The following TNFAIP8 variants were observed in gnomAD, a reference collection of about 807,000 sequenced individuals.
TNFAIP8 encodes the protein TNF alpha induced protein 8.
Under a neutral mutation model 13.3 loss-of-function variants are expected in TNFAIP8, and 7 were observed. That is an observed-to-expected ratio of 0.52 (90% CI 0.30 to 0.99). TNFAIP8 has a LOEUF of 0.99. Ranked by LOEUF, TNFAIP8 falls within the 50% of genes least tolerant of loss-of-function variation. The pLI is 0.07. For synonymous variants in TNFAIP8, 94 were observed against 87.6 expected (o/e 1.07, Z -0.41); for missense variants, 258 against 236.9 (o/e 1.09, Z -0.58).
At chr5:119,279,188 A>G (rs532806680) in intron 1 of TNFAIP8, among the ~76,000 whole-genome samples, 4 of 152,208 alleles carry the variant, frequency 2.6e-5, no homozygotes, top group Non-Finnish European at 5.9e-5. Context: ...AGGCTTAAGG[A>G]GGTTAAGTAA....
intron 1 of TNFAIP8, among the ~76,000 whole-genome samples, chr5:119,316,578 T>G (rs996316584): frequency 1.3e-5 from 2 of 152,272 alleles, no homozygotes; most frequent in Admixed American, 6.5e-5. Flanking sequence ...AATGACTTAC[T>G]TGATGGTATT....
At chr5:119,376,930 G>A (rs1327894964) in intron 1 of TNFAIP8, among the ~76,000 whole-genome samples, 1 of 152,106 alleles carries the variant, frequency 6.6e-6, no homozygotes, top group Non-Finnish European at 1.5e-5. Context: ...AAGTACCCTA[G>A]ATAAAATAAC....
intron 1 of TNFAIP8, among the ~76,000 whole-genome samples, chr5:119,277,847 C>T (rs893203709): frequency 2.6e-5 from 4 of 152,086 alleles, no homozygotes; most frequent in Admixed American, 1.3e-4. Context: ...TTGCTGTGTC[C>T]TCACATGGTA....
chr5:119,363,716 C>G (rs541090617), intron 1 of TNFAIP8, among the ~76,000 whole-genome samples: 4 of 152,332 alleles, frequency 2.6e-5, no homozygotes, highest in African/African-American at 9.6e-5. Context: ...CGGACGTTGA[C>G]TAGACGTCCT....
chr5:119,307,003 C>CAA (rs1749587264), intron 1 of TNFAIP8, among the ~76,000 whole-genome samples: 1 of 152,108 alleles, frequency 6.6e-6, no homozygotes, highest in African/African-American at 2.4e-5. Flanking sequence ...TCTTAAGATG[C>CAA]TATTGATTGG....
intron 1 of TNFAIP8, among the ~76,000 whole-genome samples, chr5:119,281,304 A>ACTCT (rs938040757): frequency 1.1e-4 from 3 of 26,720 alleles, no homozygotes; most frequent in African/African-American, 2.1e-4. Context: ...ACACACACAC[A>ACTCT]CACTCTCTCT....
chr5:119,339,178 A>G (rs1218572712), intron 1 of TNFAIP8, among the ~76,000 whole-genome samples: 1 of 152,182 alleles, frequency 6.6e-6, no homozygotes, highest in African/African-American at 2.4e-5. Flanking sequence ...CCAGAAGGAG[A>G]GAGAGAACTG....
rs1753060652 is a variant in TNFAIP8 at position 119,395,869 on chromosome 5, A to G, written c.*2488A>G. ...GATCCTATGAACCTTTTTATAAAAT[A>G]GTATCTGTTCACGTTTTGAAAAAAA... On this transcript the variant is annotated 3_prime_UTR_variant, in exon 2 of 2. Transcript: ENST00000504771. 1 of 152,172 alleles carries G rather than the reference A, an allele frequency of 6.6e-6. No individual in the cohort carries two copies. The highest frequency in any genetic ancestry group is 2.4e-5 in the African/African-American group (1 of 41,422). 9.4% of individuals were successfully genotyped at this position (152,172 alleles called of 1,614,324 possible).
intron 1 of TNFAIP8, among the ~76,000 whole-genome samples, chr5:119,271,056 T>G (rs559451654): frequency 1.3e-5 from 2 of 152,322 alleles, no homozygotes; most frequent in East Asian, 3.9e-4. Flanking sequence ...TAGTCTTTGT[T>G]TACGTGTTGA....
intron 1 of TNFAIP8, among the ~76,000 whole-genome samples, chr5:119,346,378 G>T (rs778423358): frequency 2.0e-5 from 3 of 152,114 alleles, no homozygotes; most frequent in Admixed American, 6.5e-5. Context: ...GAACCAGGAA[G>T]GAAAACTGCT....
chr5:119,380,267 T>C (rs2112837237), intron 1 of TNFAIP8, among the ~76,000 whole-genome samples: 1 of 152,380 alleles, frequency 6.6e-6, no homozygotes, highest in Non-Finnish European at 1.5e-5. Context: ...TTCTTGTCTT[T>C]GTTATGTGGC....
intron 1 of TNFAIP8, among the ~76,000 whole-genome samples, chr5:119,297,018 T>G (rs2112642551): frequency 6.6e-6 from 1 of 152,264 alleles, no homozygotes; most frequent in East Asian, 1.9e-4. Context: ...CTTCTCTCTT[T>G]TTTTCTTTAT....
intron 1 of TNFAIP8, among the ~76,000 whole-genome samples, chr5:119,384,173 G>T (rs919956510): frequency 7.9e-5 from 12 of 152,068 alleles, no homozygotes; most frequent in African/African-American, 2.7e-4. Flanking sequence ...TCCTTCCTAG[G>T]GTTGCCGTAA....
chr5:119,337,833 C>A (rs1750604035), intron 1 of TNFAIP8, among the ~76,000 whole-genome samples: 1 of 152,218 alleles, frequency 6.6e-6, no homozygotes, highest in Non-Finnish European at 1.5e-5. Context: ...AACACCCTAA[C>A]TGATTTCCCC....
chr5:119,366,148 G>GAA (rs111331324), intron 1 of TNFAIP8, among the ~76,000 whole-genome samples: 8 of 136,668 alleles, frequency 5.9e-5, no homozygotes, highest in East Asian at 2.1e-4. Flanking sequence ...ACTCTAAAAT[G>GAA]AAAAAAAAAA....
At chr5:119,362,809 A>G (rs1751685818) in intron 1 of TNFAIP8, among the ~76,000 whole-genome samples, 1 of 152,036 alleles carries the variant, frequency 6.6e-6, no homozygotes, top group African/African-American at 2.4e-5. Context: ...AAAAAAGAAA[A>G]AAGAAATAGG....
chr5:119,270,174 G>T (rs1254081095), intron 1 of TNFAIP8, among the ~76,000 whole-genome samples: 1 of 152,258 alleles, frequency 6.6e-6, no homozygotes, highest in African/African-American at 2.4e-5. Flanking sequence ...ATTGGCACAT[G>T]AAAGGTAAGA....
At chr5:119,333,360 A>T (rs1308960591) in intron 1 of TNFAIP8, 12 of 1,305,864 alleles carry the variant, frequency 9.2e-6, no homozygotes, top group African/African-American at 1.5e-5. Flanking sequence ...TAGCTCCCAG[A>T]ATAACAAGCA....
At chr5:119,382,853 GAA>G (rs1432247248) in intron 1 of TNFAIP8, among the ~76,000 whole-genome samples, 1 of 152,208 alleles carries the variant, frequency 6.6e-6, no homozygotes, top group Non-Finnish European at 1.5e-5. Flanking sequence ...TGATAATTGT[GAA>G]TTCATTCCAG....
Sources: allele counts gnomAD v4.1 joint callset (sites outside exome capture counted in the v4.1 genomes callset), GRCh38; gene constraint gnomAD v4.1.1; transcripts MANE v1.5; gene names NCBI Gene and HGNC (gene_info 2026-07-23, HGNC 2026-07-21).